Variants in EMCN observed in about 807,000 individuals in gnomAD.
EMCN encodes MUC-14.
A neutral mutation model predicts 38.4 loss-of-function variants in EMCN; 37 were observed. The observed-to-expected ratio is 0.96, with a 90% CI of 0.74 to 1.27. The LOEUF (loss-of-function observed/expected upper bound fraction) is 1.27, where lower values mean the gene tolerates loss of function less well. Ranked by LOEUF, EMCN falls within the 50% of genes most tolerant of loss-of-function variation. The probability of loss-of-function intolerance (pLI) is 0.00; values close to 1 mark genes in which losing one functional copy is unlikely to be tolerated. For missense variants in EMCN, 318 were observed against 302.8 expected (o/e 1.05, Z -0.37); for synonymous variants, 95 against 100.8 (o/e 0.94, Z 0.35).
At chr4:100,507,005 C>T (rs1472197485) in intron 1 of EMCN, among the ~76,000 whole-genome samples, 1 of 152,080 alleles carries the variant, frequency 6.6e-6, no homozygotes, top group Non-Finnish European at 1.5e-5. Flanking sequence ...CTCTGGGAAC[C>T]AGAAATATTT....
chr4:100,493,676 G>T (rs1440112869), intron 1 of EMCN, among the ~76,000 whole-genome samples: 3 of 152,182 alleles, frequency 2.0e-5, no homozygotes, highest in Non-Finnish European at 4.4e-5. Flanking sequence ...TTCCTCAAAT[G>T]ATGAATGCAA....
At chr4:100,517,132 G>A (rs1174708063) in intron 1 of EMCN, among the ~76,000 whole-genome samples, 1 of 151,948 alleles carries the variant, frequency 6.6e-6, no homozygotes, top group Non-Finnish European at 1.5e-5. Context: ...AATGTAAATC[G>A]TTCTTGAAAT....
At chr4:100,501,054 T>C (rs1729338220) in intron 1 of EMCN, among the ~76,000 whole-genome samples, 1 of 152,118 alleles carries the variant, frequency 6.6e-6, no homozygotes, top group African/African-American at 2.4e-5. Flanking sequence ...TTCTGATAAA[T>C]AGAATAATTA....
At chr4:100,447,440 TCCCTGCC>T in intron 5 of EMCN, 86 bp downstream of exon 5, 1 of 869,060 alleles carries the variant, frequency 1.2e-6, no homozygotes, top group East Asian at 2.4e-5. Flanking sequence ...GTGCTATTTC[TCCCTGCC>T]CCCAAACTGA....
Position 100,446,790 on chromosome 4 carries a change from G to C in EMCN, c.415+743C>G, listed in dbSNP as rs555590717. Among the ~76,000 whole-genome samples, 10 of 152,110 alleles carry C rather than the reference G, an allele frequency of 6.6e-5. No homozygotes were observed. The South Asian group carries it at 1.9e-3, about 28-fold the overall frequency. ...CAGTTTCTGTTGTTTCCTTCTTTGT[G>C]CTCATGAATTCTCATCATCTAGATC... On this transcript the variant is annotated intron_variant, in intron 5 of 11. Transcript: ENST00000296420.
intron 3 of EMCN, among the ~76,000 whole-genome samples, chr4:100,468,158 G>A (rs1239812605): frequency 6.6e-6 from 1 of 152,148 alleles, no homozygotes; most frequent in African/African-American, 2.4e-5. Flanking sequence ...CACAAGAGAT[G>A]CTTGAGGGAG....
chr4:100,482,330 G>A (rs1228714353), intron 1 of EMCN, among the ~76,000 whole-genome samples: 1 of 151,964 alleles, frequency 6.6e-6, no homozygotes, highest in African/African-American at 2.4e-5. Flanking sequence ...AAGTCTGCAC[G>A]AAATGTGTGC....
At chr4:100,475,723 G>T (rs1728627440) in intron 2 of EMCN, among the ~76,000 whole-genome samples, 1 of 132,318 alleles carries the variant, frequency 7.6e-6, no homozygotes, top group Admixed American at 8.7e-5. Context: ...TGTCGCCCAG[G>T]CTGGAGTGCA....
intron 5 of EMCN, among the ~76,000 whole-genome samples, chr4:100,434,929 G>C (rs1727307856): frequency 6.6e-6 from 1 of 152,074 alleles, no homozygotes; most frequent in Non-Finnish European, 1.5e-5. Context: ...ATACTGAATG[G>C]GCAAAACCTG....
At chr4:100,440,489 T>C (rs1422325280) in intron 5 of EMCN, among the ~76,000 whole-genome samples, 1 of 152,138 alleles carries the variant, frequency 6.6e-6, no homozygotes, top group Non-Finnish European at 1.5e-5. Flanking sequence ...GAATATACAA[T>C]GTTTGGTTTT....
At chr4:100,482,948 G>A (rs1448378042) in intron 1 of EMCN, among the ~76,000 whole-genome samples, 1 of 152,102 alleles carries the variant, frequency 6.6e-6, no homozygotes, top group Admixed American at 6.6e-5. Context: ...GTAAGATTGA[G>A]ATGTACTGTA....
intron 11 of EMCN, among the ~76,000 whole-genome samples, chr4:100,403,709 T>C (rs960774269): frequency 6.6e-6 from 1 of 152,090 alleles, no homozygotes; most frequent in African/African-American, 2.4e-5. Context: ...AAGCATTCCC[T>C]TTTCTCTACA....
At chr4:100,464,616 T>C (rs1728266210) in intron 4 of EMCN, among the ~76,000 whole-genome samples, 1 of 152,142 alleles carries the variant, frequency 6.6e-6, no homozygotes, top group Admixed American at 6.5e-5. Context: ...TGTTAGATTT[T>C]GTCGAATGCT....
intron 1 of EMCN, chr4:100,486,930 G>A (rs1728958159): frequency 3.0e-6 from 3 of 985,374 alleles, no homozygotes; most frequent in Non-Finnish European, 3.6e-6. Context: ...ATTCTTCAAA[G>A]ATCATGTTCC....
intron 11 of EMCN, among the ~76,000 whole-genome samples, chr4:100,404,923 C>A (rs1166510647): frequency 6.6e-6 from 1 of 151,950 alleles, no homozygotes; most frequent in Non-Finnish European, 1.5e-5. Context: ...TTATAGAGCT[C>A]TTTTGTCTTC....
rs557205846 is a variant in EMCN, at chr4:100,462,357, A to G, written c.376+3066T>C. ...AACAGTCCCCAGAACTGAGACGCAGAGAGCATTCTACTTCATGAATTGAAG... is the reference window on the plus strand; with the variant it reads ...AACAGTCCCCAGAACTGAGACGCAGGGAGCATTCTACTTCATGAATTGAAG... On this transcript the variant is annotated intron_variant, in intron 4 of 11. Coordinates refer to ENST00000296420, the MANE Select transcript of EMCN (RefSeq NM_016242.4). 1.7e-3 allele frequency among the ~76,000 whole-genome samples: 252 copies of G among 152,294 alleles called. 1 individual carries two copies. Among genetic ancestry groups the G allele is most frequent in the African/African-American group, 5.9e-3 (244 of 41,572 alleles).
chr4:100,455,509 G>GTTTTTTTTTT (rs11432936), intron 4 of EMCN, among the ~76,000 whole-genome samples: 3 of 133,534 alleles, frequency 2.2e-5, no homozygotes, highest in Non-Finnish European at 3.1e-5. Flanking sequence ...AGGGTGAAAA[G>GTTTTTTTTTT]TTTTTTTTTT....
At chr4:100,415,708 G>A (rs1726708112) in intron 10 of EMCN, among the ~76,000 whole-genome samples, 190 bp downstream of exon 10, 1 of 152,118 alleles carries the variant, frequency 6.6e-6, no homozygotes, top group South Asian at 2.1e-4. Context: ...AGGCCACATA[G>A]TCCAATAATC....
chr4:100,412,603 G>T (rs1331010311), intron 10 of EMCN, among the ~76,000 whole-genome samples: 2 of 152,094 alleles, frequency 1.3e-5, no homozygotes, highest in Non-Finnish European at 2.9e-5. Flanking sequence ...GTCAATCATG[G>T]TGATGTTTAA....
Sources: gnomAD v4.1 joint callset for allele counts (sites outside exome capture counted in the v4.1 genomes callset) on GRCh38, gnomAD v4.1.1 for gene constraint, MANE v1.5 for transcripts, NCBI Gene and HGNC (gene_info 2026-07-23, HGNC 2026-07-21) for gene names.